The following SNAP91 variants were observed in gnomAD, a reference collection of about 807,000 sequenced individuals.
The protein encoded by SNAP91 is clathrin coat assembly protein AP180.
In SNAP91, 27 loss-of-function variants were observed where a neutral mutation model predicts 100.3. The ratio of observed to expected loss-of-function variants is 0.27; its 90% confidence interval spans 0.20 to 0.37. The LOEUF (loss-of-function observed/expected upper bound fraction) is 0.37, where lower values mean the gene tolerates loss of function less well. Among genes scored for constraint, SNAP91 ranks in the 10% least tolerant of loss-of-function variants. SNAP91 has a pLI of 1.00. For missense variants in SNAP91, 986 were observed against 1,123.7 expected (o/e 0.88, Z 1.75); for synonymous variants, 404 against 398.6 (o/e 1.01, Z -0.16).
At chr6:83,693,991 C>T (rs2099163071) in intron 2 of SNAP91, among the ~76,000 whole-genome samples, 1 of 152,194 alleles carries the variant, frequency 6.6e-6, no homozygotes, top group Non-Finnish European at 1.5e-5. Context: ...AAAATCAAAG[C>T]TTTGCAGAAA....
intron 9 of SNAP91, among the ~76,000 whole-genome samples, chr6:83,621,076 G>A (rs368927162): frequency 5.3e-5 from 8 of 151,898 alleles, no homozygotes; most frequent in African/African-American, 1.9e-4. Flanking sequence ...CTTGGCGCAG[G>A]TTTGTCATAT....
chr6:83,617,072 T>C (rs2096526581), intron 9 of SNAP91, 33 bp from the exon 10 acceptor site: 1 of 1,431,546 alleles, frequency 7.0e-7, no homozygotes, highest in Non-Finnish European at 9.5e-7. Flanking sequence ...AATGTCTGCA[T>C]TGTTTACTTT....
chr6:83,644,407 C>T (rs1451342971), intron 7 of SNAP91, among the ~76,000 whole-genome samples: 2 of 152,096 alleles, frequency 1.3e-5, no homozygotes, highest in Non-Finnish European at 2.9e-5. Flanking sequence ...ACTCCCCTGT[C>T]CAGACCAGTG....
In SNAP91 at chr6:83,631,573, C is replaced by CTT. The variant is rs1459254273; in HGVS notation, c.766-8233_766-8232dup. Among the ~76,000 whole-genome samples the CTT allele has an allele frequency of 3.9e-5, 6 of 152,160 alleles. 1 individual carries two copies. Among genetic ancestry groups the CTT allele is most frequent in the East Asian group, 1.9e-4 (1 of 5,174 alleles). ...TGTAATATTTTCCTGTTGGACGAGA[C>CTT]TTTTATCATTATATAATGTCCTTTT... On this transcript the variant is annotated intron_variant, in intron 8 of 29. Coordinates refer to ENST00000369694, the MANE Select transcript of SNAP91 (RefSeq NM_001242792.2).
At chr6:83,631,629 T>G (rs1057043919) in intron 8 of SNAP91, among the ~76,000 whole-genome samples, 1 of 152,154 alleles carries the variant, frequency 6.6e-6, no homozygotes, top group Non-Finnish European at 1.5e-5. Context: ...TTAAAGTTTG[T>G]ATTGTCTGAT....
intron 26 of SNAP91, among the ~76,000 whole-genome samples, chr6:83,570,558 G>GGGGGGGA (rs1805294881): frequency 7.1e-6 from 1 of 140,410 alleles, no homozygotes; most frequent in Non-Finnish European, 1.5e-5. Context: ...CGGGGTGGCG[G>GGGGGGGA]GGGGGGAAGT....
At chr6:83,562,398 C>T (rs1413294590) in intron 26 of SNAP91, among the ~76,000 whole-genome samples, 2 of 152,094 alleles carry the variant, frequency 1.3e-5, no homozygotes. Flanking sequence ...CAATGCAATA[C>T]ACCATATTAA....
In SNAP91 at chr6:83,560,930, TG is replaced by T; in HGVS notation, c.2459del (p.Pro820GlnfsTer32). ...PSAPLQGAVP[P>X]TSSVPPVAGA... ...CGGCAACAGGAGGAACTGAACTGGT[TG>T]GAGGTACAGCTCCTTGCTACACAGA... On this transcript the variant is annotated frameshift_variant, in exon 27 of 30. Coordinates refer to ENST00000369694, the MANE Select transcript of SNAP91 (RefSeq NM_001242792.2). LOFTEE classifies it high-confidence loss of function. 6.2e-7 allele frequency: 1 copy of T among 1,610,832 alleles called. No individual in the cohort carries two copies. Among genetic ancestry groups the T allele is most frequent in the Non-Finnish European group, 8.5e-7 (1 of 1,178,930 alleles).
intron 8 of SNAP91, 65 bp downstream of exon 8, chr6:83,641,031 A>G (rs1275378131): frequency 1.1e-6 from 1 of 891,692 alleles, no homozygotes; most frequent in Non-Finnish European, 1.7e-6. Context: ...TCTATTATAT[A>G]TACTCCAGAT....
chr6:83,666,733 A>G lies in SNAP91; in HGVS notation c.131-1152T>C, dbSNP rs1312970950. Among the ~76,000 whole-genome samples the G allele has an allele frequency of 5.3e-5, 8 of 152,184 alleles. No individual in the cohort carries two copies. In the South Asian group the frequency reaches 1.7e-3, roughly 32 times the overall value. On this transcript the variant is annotated intron_variant, in intron 2 of 29. Transcript: ENST00000369694. Reference sequence around the variant, plus strand: ...AAGGCAGGCTTATTTCTTAATTTATACTGATTTTAAATTTCTGTCATCATC... The same window carrying G: ...AAGGCAGGCTTATTTCTTAATTTATGCTGATTTTAAATTTCTGTCATCATC...
At chr6:83,603,603 C>G (rs1320658224) in intron 14 of SNAP91, among the ~76,000 whole-genome samples, 1 of 150,676 alleles carries the variant, frequency 6.6e-6, no homozygotes, top group Admixed American at 6.6e-5. Context: ...AAAATAAAAG[C>G]TATATTCTAA....
chr6:83,620,885 G>C (rs6930463), intron 9 of SNAP91, among the ~76,000 whole-genome samples: 12 of 151,090 alleles, frequency 7.9e-5, no homozygotes, highest in Non-Finnish European at 1.5e-4. Flanking sequence ...CTAATTTTTT[G>C]TATTTTTTTT....
chr6:83,633,551 G>A (rs1001459921), intron 8 of SNAP91, among the ~76,000 whole-genome samples: 1 of 152,082 alleles, frequency 6.6e-6, no homozygotes, highest in African/African-American at 2.4e-5. Flanking sequence ...GGGTCTTGCT[G>A]CGGCTGCTGT....
intron 26 of SNAP91, among the ~76,000 whole-genome samples, chr6:83,570,065 G>A (rs560647287): frequency 6.6e-6 from 1 of 152,256 alleles, no homozygotes; most frequent in African/African-American, 2.4e-5. Context: ...ACAGGCAGAG[G>A]TTGGGACAGT....
Position 83,560,945 on chromosome 6 carries a change from T to G in SNAP91, c.2445A>C (p.Gln815His), listed in dbSNP as rs770450094. The G allele has an allele frequency of 6.2e-7, 1 of 1,602,366 alleles. No individual in the cohort carries two copies. Among genetic ancestry groups the G allele is most frequent in the Non-Finnish European group, 8.5e-7 (1 of 1,176,302 alleles). ...CTGAACTGGTTGGAGGTACAGCTCC[T>G]TGCTACACAGATAGACAGACATACA... Reference protein sequence around the residue: ...SAGVPPSAPLQGAVPPTSSVP... With the variant: ...SAGVPPSAPLHGAVPPTSSVP... The change falls in exon 27 of 30, where the codon CAA (glutamine) becomes CAC (histidine). Residue 815 changes from glutamine to histidine, a missense_variant and splice_region_variant. By Grantham distance (24) the Gln-to-His change is conservative. This residue lies in a region of SNAP91 where 575 missense variants were observed against 579.9 expected (regional missense o/e 0.99). Transcript: ENST00000369694.
chr6:83,699,110 TTCTAGGTGACCCCAG>T (rs1343216653), intron 2 of SNAP91, among the ~76,000 whole-genome samples: 1 of 152,154 alleles, frequency 6.6e-6, no homozygotes. Context: ...AGCAAAATCT[TTCTAGGTGACCCCAG>T]GCTCCCTAGG....
intron 26 of SNAP91, among the ~76,000 whole-genome samples, chr6:83,563,436 G>GA (rs1379215805): frequency 6.6e-6 from 1 of 151,890 alleles, no homozygotes; most frequent in East Asian, 1.9e-4. Flanking sequence ...CTTAGTGACT[G>GA]AAAAAAAATG....
At chr6:83,570,927 G>A (rs1426529101) in intron 26 of SNAP91, among the ~76,000 whole-genome samples, 2 of 152,116 alleles carry the variant, frequency 1.3e-5, no homozygotes, top group African/African-American at 4.8e-5. Context: ...ACCACCAAGT[G>A]GAGCTATGAG....
intron 2 of SNAP91, among the ~76,000 whole-genome samples, chr6:83,685,000 C>A (rs908362824): frequency 6.6e-6 from 1 of 152,128 alleles, no homozygotes. Context: ...TAGGCACAGA[C>A]CTTGTTAAAA....
Sources: allele counts gnomAD v4.1 joint callset (sites outside exome capture counted in the v4.1 genomes callset), GRCh38; gene constraint gnomAD v4.1.1; regional missense constraint gnomAD v4.1.1; transcripts MANE v1.5; gene names NCBI Gene and HGNC (gene_info 2026-07-23, HGNC 2026-07-21).